DNPEP: variants seen among roughly 807,000 people sequenced by gnomAD.
DNPEP encodes the protein aspartyl aminopeptidase.
A neutral mutation model predicts 59.1 loss-of-function variants in DNPEP; 46 were observed. That is an observed-to-expected ratio of 0.78 (90% CI 0.61 to 0.99). DNPEP has a LOEUF of 0.99. Ranked by LOEUF, DNPEP falls within the 50% of genes least tolerant of loss-of-function variation. The pLI is 0.00. For synonymous variants in DNPEP, 229 were observed against 242.2 expected, an observed-to-expected ratio of 0.95 and a Z score of 0.50; for missense variants, 617 against 649.9, an observed-to-expected ratio of 0.95 and a Z score of 0.55.
At position 219,381,976 on chromosome 2, in the gene DNPEP, C is replaced by T; in HGVS notation, c.1097+3G>A. The T allele has an allele frequency of 6.2e-7, 1 of 1,614,104 alleles. No individual in the cohort carries two copies. The highest frequency in any genetic ancestry group is 8.5e-7 in the Non-Finnish European group (1 of 1,179,962). On this transcript the variant is annotated splice_donor_region_variant and intron_variant, in intron 11 of 14. Transcript: ENST00000273075. ...GACTGTGTGACTGGCACTAGAGACT[C>T]ACAGGTAGTTGGGATGCACAGCATG...
upstream of DNPEP, among the ~76,000 whole-genome samples, chr2:219,389,658 C>T (rs989727172): frequency 1.3e-5 from 2 of 151,814 alleles, no homozygotes; most frequent in African/African-American, 4.8e-5. Flanking sequence ...GGTGAAACCC[C>T]GTCTCTACAA....
rs1048994911 is a variant in DNPEP, at chr2:219,372,373, AT to A, written c.*1918del. Among the ~76,000 whole-genome samples, 8 of 150,342 alleles carry A rather than the reference AT, an allele frequency of 5.3e-5. No homozygotes were observed. Among genetic ancestry groups the A allele is most frequent in the East Asian group, 1.9e-4 (1 of 5,134 alleles). ...TATATACACATAAAAATATATAATA[AT>A]TTTTTTTTTGAGACGGAGTCTGGCT... On this transcript the variant is annotated 3_prime_UTR_variant, in exon 15 of 15. Coordinates refer to ENST00000273075, the MANE Select transcript of DNPEP (RefSeq NM_012100.4).
chr2:219,381,886 A>G, intron 11 of DNPEP, 93 bp downstream of exon 11: 1 of 1,465,496 alleles, frequency 6.8e-7, no homozygotes, highest in Non-Finnish European at 9.4e-7. Context: ...GAAGGGAGAA[A>G]GGAAGAGGCT....
At chr2:219,392,345 C>CTTTTTTT (rs1321818734), upstream of DNPEP, among the ~76,000 whole-genome samples, 2 of 142,670 alleles carry the variant, frequency 1.4e-5, no homozygotes. Context: ...ATACATATGT[C>CTTTTTTT]TTTTTTTTTT....
Position 219,384,358 on chromosome 2 carries a change from C to A in DNPEP, c.852+8G>T. The stretch of plus-strand genomic sequence containing the variant: ...TTATGTGCTGCCTGGGGCGCCCCGG[C>A]TCCTCACCTGCAGGGCACAGAAGCA... On this transcript the variant is annotated splice_region_variant and intron_variant, in intron 9 of 14. Transcript: ENST00000273075. 4 of 1,606,244 alleles carry A rather than the reference C, an allele frequency of 2.5e-6. No homozygotes were observed. The highest frequency in any genetic ancestry group is 3.4e-6 in the Non-Finnish European group (4 of 1,176,502).
At chr2:219,382,213 C>A (rs1953633958) in intron 10 of DNPEP, 74 bp from the exon 11 acceptor site, 2 of 1,522,916 alleles carry the variant, frequency 1.3e-6, no homozygotes, top group African/African-American at 1.4e-5. Context: ...GAGAGGGGCC[C>A]ATTGCCCAAC....
chr2:219,395,508 G>A (rs902972187), intron 1 of DNPEP, among the ~76,000 whole-genome samples: 1 of 152,194 alleles, frequency 6.6e-6, no homozygotes, highest in Non-Finnish European at 1.5e-5. Context: ...GGATTTCTTA[G>A]CTCAGAACTC....
intron 13 of DNPEP, among the ~76,000 whole-genome samples, chr2:219,376,961 C>T (rs1334989751): frequency 6.6e-6 from 1 of 152,074 alleles, no homozygotes; most frequent in East Asian, 1.9e-4. Flanking sequence ...ATACACCAGC[C>T]ATGTCTTCTA....
chr2:219,398,261 C>T (rs758683112), intron 1 of DNPEP, among the ~76,000 whole-genome samples: 5 of 152,224 alleles, frequency 3.3e-5, no homozygotes, highest in Admixed American at 1.3e-4. Context: ...AAGGGCAGGT[C>T]GCTGCGCTAA....
intron 13 of DNPEP, among the ~76,000 whole-genome samples, chr2:219,379,195 G>T (rs984169945): frequency 2.0e-5 from 3 of 152,038 alleles, no homozygotes; most frequent in African/African-American, 7.2e-5. Flanking sequence ...GGGATTACAG[G>T]CATGAGCCAC....
chr2:219,397,427 G>A (rs964355037), intron 1 of DNPEP, among the ~76,000 whole-genome samples: 16 of 152,102 alleles, frequency 1.1e-4, no homozygotes, highest in Middle Eastern at 3.4e-3. Flanking sequence ...GTACAGTGGC[G>A]TGATCTTGGC....
chr2:219,378,817 G>A (rs999210155), intron 13 of DNPEP, among the ~76,000 whole-genome samples: 23 of 152,136 alleles, frequency 1.5e-4, no homozygotes, highest in African/African-American at 2.9e-4. Context: ...ACTGCCAGTC[G>A]TATAAAAGCA....
chr2:219,384,267 T>C (rs1953717224), intron 9 of DNPEP, 99 bp downstream of exon 9: 2 of 1,188,446 alleles, frequency 1.7e-6, no homozygotes, highest in Non-Finnish European at 2.4e-6. Flanking sequence ...ACAATGGCCC[T>C]CTCTCACAAC....
At chr2:219,374,811 G>A (rs1220655184) in intron 14 of DNPEP, 44 bp downstream of exon 14, 8 of 1,594,522 alleles carry the variant, frequency 5.0e-6, no homozygotes, top group Non-Finnish European at 6.9e-6. Flanking sequence ...GGCACTAGAG[G>A]GGAAGCAGCC....
intron 13 of DNPEP, 54 bp from the exon 14 acceptor site, chr2:219,375,076 A>C: frequency 6.3e-7 from 1 of 1,579,876 alleles, no homozygotes. Context: ...TATCAGAGCC[A>C]AGGAGGACGC....
At chr2:219,381,903 A>G in intron 11 of DNPEP, 76 bp downstream of exon 11, 1 of 1,554,496 alleles carries the variant, frequency 6.4e-7, no homozygotes, top group Non-Finnish European at 8.8e-7. Context: ...GGCTGGGGCC[A>G]AGGCAGAGCC....
chr2:219,387,051 T>C lies in DNPEP; in HGVS notation c.130+19A>G. The stretch of plus-strand genomic sequence containing the variant: ...CGCATCAGCCTCCACCCTCCTCCCT[T>C]GCCCTGGCCACCGCTTACCATGGAA... On this transcript the variant is annotated intron_variant, in intron 2 of 14. Coordinates refer to ENST00000273075, the MANE Select transcript of DNPEP (RefSeq NM_012100.4). The C allele has an allele frequency of 6.2e-7, 1 of 1,610,878 alleles. No homozygotes were observed. The highest frequency in any genetic ancestry group is 8.5e-7 in the Non-Finnish European group (1 of 1,178,396).
At position 219,376,181 on chromosome 2, in the gene DNPEP, T is replaced by G. The variant is rs550358313; in HGVS notation, c.1240-1159A>C. ...CTGAATAAATGAAATTCCATGATTC[T>G]AAGATAGTCAGAAAGGGAAAAGCAG... On this transcript the variant is annotated intron_variant, in intron 13 of 14. Coordinates refer to ENST00000273075, the MANE Select transcript of DNPEP (RefSeq NM_012100.4). Among the ~76,000 whole-genome samples, 11 of 152,266 alleles carry G rather than the reference T, an allele frequency of 7.2e-5. No individual in the cohort carries two copies. The East Asian group carries it at 1.9e-3, about 27-fold the overall frequency.
At position 219,373,468 on chromosome 2, in the gene DNPEP, T is replaced by C. The variant is rs1259669306; in HGVS notation, c.*824A>G. ...TACGCCTCCTTGGTTCAAGCTATTCTCCTGCCTCAGTCTCCTGAATAGCTG... is the reference window on the plus strand; with the variant it reads ...TACGCCTCCTTGGTTCAAGCTATTCCCCTGCCTCAGTCTCCTGAATAGCTG... On this transcript the variant is annotated 3_prime_UTR_variant, in exon 15 of 15. Transcript: ENST00000273075. 6.6e-6 allele frequency: 1 copy of C among 152,270 alleles called. No individual in the cohort carries two copies. The highest frequency in any genetic ancestry group is 1.5e-5 in the Non-Finnish European group (1 of 68,098). The allele number at this position is 152,270 out of a possible 1,614,324, so 9.4% of individuals were successfully genotyped here.
Sources: gnomAD v4.1 joint callset for allele counts (sites outside exome capture counted in the v4.1 genomes callset) on GRCh38, gnomAD v4.1.1 for gene constraint, MANE v1.5 for transcripts, NCBI Gene and HGNC (gene_info 2026-07-23, HGNC 2026-07-21) for gene names.